Variants in ZNF385D observed in about 807,000 individuals in gnomAD.
ZNF385D encodes the protein zinc finger protein 385D, also known as zinc finger protein 659.
In ZNF385D, 15 loss-of-function variants were observed where a neutral mutation model predicts 35.8. The ratio of observed to expected loss-of-function variants is 0.42; its 90% CI spans 0.28 to 0.64. The LOEUF is 0.64. Ranked by LOEUF, ZNF385D falls within the 30% of genes least tolerant of loss-of-function variation. ZNF385D has a pLI of 0.23. For missense variants in ZNF385D, 474 were observed against 494.6 expected (o/e 0.96, Z 0.39); for synonymous variants, 212 against 186.8 (o/e 1.13, Z -1.10).
At chr3:22,064,210 T>C (rs1453694571) in intron 3 of ZNF385D, among the ~76,000 whole-genome samples, 1 of 152,174 alleles carries the variant, frequency 6.6e-6, no homozygotes, top group African/African-American at 2.4e-5. Context: ...GCCATGACAG[T>C]TTGCTCAGGC....
chr3:21,904,020 G>A (rs1336539322), intron 3 of ZNF385D, among the ~76,000 whole-genome samples: 1 of 151,908 alleles, frequency 6.6e-6, no homozygotes, highest in Non-Finnish European at 1.5e-5. Flanking sequence ...TATTATAATT[G>A]GTGGTCAGGC....
At chr3:22,325,221 T>G (rs1450870721) in intron 2 of ZNF385D, among the ~76,000 whole-genome samples, 1 of 152,186 alleles carries the variant, frequency 6.6e-6, no homozygotes, top group Non-Finnish European at 1.5e-5. Context: ...TCTACAAATT[T>G]TTAGAGTTTG....
At chr3:21,650,756 A>C (rs553502390) in intron 2 of ZNF385D, among the ~76,000 whole-genome samples, 177 of 152,216 alleles carry the variant, frequency 1.2e-3, no homozygotes, top group African/African-American at 4.2e-3. Flanking sequence ...GTTTAACACA[A>C]GCATTGAGAT....
At chr3:22,096,213 G>A (rs1294260863) in intron 3 of ZNF385D, among the ~76,000 whole-genome samples, 2 of 151,946 alleles carry the variant, frequency 1.3e-5, no homozygotes, top group Non-Finnish European at 2.9e-5. Flanking sequence ...CGACTGTTGA[G>A]TAGCATGCTC....
Position 21,765,087 on chromosome 3 carries a change from G to C in ZNF385D, c.326-100059C>G, listed in dbSNP as rs182319542. 1.4e-3 allele frequency among the ~76,000 whole-genome samples: 217 copies of C among 152,176 alleles called. 1 individual carries two copies. In the Middle Eastern group the frequency reaches 0.017, roughly 12 times the overall value. On this transcript the variant is annotated intron_variant, in intron 3 of 5. Transcript: ENST00000494108. Reference sequence around the variant, plus strand: ...TTTTTCTCTGAAGTTTCCAAAATGAGAGTCTTTATAAGTACAGTAGTATTT... The same window carrying C: ...TTTTTCTCTGAAGTTTCCAAAATGACAGTCTTTATAAGTACAGTAGTATTT...
rs1184235607 is a variant in ZNF385D, at chr3:21,987,308, G to A, written c.325+181509C>T. Among the ~76,000 whole-genome samples, 39 of 131,604 alleles carry A rather than the reference G, an allele frequency of 3.0e-4. 3 individuals carry two copies. The highest frequency in any genetic ancestry group is 1.3e-3 in the South Asian group (5 of 3,960). The allele number at this position is 131,604 out of a possible 152,430, so 86.3% of individuals were successfully genotyped here. ...GCATGATTTTGCAGTGGCTGGTACC[G>A]GTTGTTCCTTTCCATGTTTAGTGCT... On this transcript the variant is annotated intron_variant, in intron 3 of 5. Transcript: ENST00000494108.
intron 4 of ZNF385D, among the ~76,000 whole-genome samples, chr3:21,451,579 A>G (rs1354728118): frequency 6.6e-6 from 1 of 152,096 alleles, no homozygotes; most frequent in Non-Finnish European, 1.5e-5. Flanking sequence ...TTACTGTTGT[A>G]TGAATCAGCT....
chr3:21,806,245 A>C (rs2072640670), intron 3 of ZNF385D, among the ~76,000 whole-genome samples: 2 of 144,976 alleles, frequency 1.4e-5, no homozygotes, highest in South Asian at 2.2e-4. Flanking sequence ...GGGAGGTTAT[A>C]CCAATCTAAA....
At chr3:21,429,406 C>T (rs962651341) in intron 5 of ZNF385D, among the ~76,000 whole-genome samples, 2 of 152,014 alleles carry the variant, frequency 1.3e-5, no homozygotes, top group Non-Finnish European at 2.9e-5. Flanking sequence ...TTTTTAATGA[C>T]AGCATAGACT....
At chr3:22,030,280 T>TAC (rs1559316525) in intron 3 of ZNF385D, among the ~76,000 whole-genome samples, 21 of 112,780 alleles carry the variant, frequency 1.9e-4, no homozygotes, top group South Asian at 5.8e-4. Context: ...TATATATATA[T>TAC]ATATATATAT....
At chr3:21,491,843 C>T (rs1005007356) in intron 4 of ZNF385D, among the ~76,000 whole-genome samples, 4 of 152,124 alleles carry the variant, frequency 2.6e-5, no homozygotes, top group Non-Finnish European at 5.9e-5. Flanking sequence ...CTACTTTTGA[C>T]AGTGGATATT....
At chr3:22,001,332 G>T (rs1695830552) in intron 3 of ZNF385D, among the ~76,000 whole-genome samples, 1 of 82,556 alleles carries the variant, frequency 1.2e-5, no homozygotes, top group Non-Finnish European at 2.4e-5. Context: ...AAACAAGCAG[G>T]AGATACTAGT....
intron 3 of ZNF385D, among the ~76,000 whole-genome samples, chr3:21,873,690 G>C (rs1469583251): frequency 6.6e-6 from 1 of 152,038 alleles, no homozygotes; most frequent in East Asian, 1.9e-4. Context: ...ACTTTGATGA[G>C]TTTGACCACT....
chr3:22,107,026 G>GTTTTTT (rs10676871), intron 3 of ZNF385D, among the ~76,000 whole-genome samples: 1,429 of 118,806 alleles, frequency 0.012, 88 homozygotes, highest in African/African-American at 0.018. Flanking sequence ...TGGAATGAGA[G>GTTTTTT]TTTTTTTTTT....
At chr3:22,112,670 G>A (rs1702595116) in intron 3 of ZNF385D, among the ~76,000 whole-genome samples, 1 of 152,030 alleles carries the variant, frequency 6.6e-6, no homozygotes, top group Non-Finnish European at 1.5e-5. Context: ...GATGCAATCT[G>A]GAACAATGAA....
At chr3:22,204,256 C>T (rs1696999690) in intron 2 of ZNF385D, among the ~76,000 whole-genome samples, 1 of 152,076 alleles carries the variant, frequency 6.6e-6, no homozygotes, top group South Asian at 2.1e-4. Context: ...GACAGTACCT[C>T]AACCAGTCTG....
At chr3:21,844,445 A>ATGATTAGACATTATAGATGGTGCTT (rs1405539655) in intron 3 of ZNF385D, among the ~76,000 whole-genome samples, 1 of 151,110 alleles carries the variant, frequency 6.6e-6, no homozygotes, top group African/African-American at 2.5e-5. Flanking sequence ...GGGGATTTTG[A>ATGATTAGACATTATAGATGGTGCTT]TAGGCAACCT....
chr3:21,552,709 T>G (rs2062609105), intron 3 of ZNF385D, among the ~76,000 whole-genome samples: 1 of 152,170 alleles, frequency 6.6e-6, no homozygotes, highest in South Asian at 2.1e-4. Flanking sequence ...TGAAATTCAG[T>G]TCAAACCTAA....
At chr3:21,738,236 T>C (rs2069342233) in intron 1 of ZNF385D, among the ~76,000 whole-genome samples, 1 of 152,208 alleles carries the variant, frequency 6.6e-6, no homozygotes, top group South Asian at 2.1e-4. Flanking sequence ...GTTTGAGTTG[T>C]CAGAGACTGG....
Sources: gnomAD v4.1 joint callset for allele counts (sites outside exome capture counted in the v4.1 genomes callset) on GRCh38, gnomAD v4.1.1 for gene constraint, MANE v1.5 for transcripts, NCBI Gene and HGNC (gene_info 2026-07-23, HGNC 2026-07-21) for gene names.